Variants in LINGO1 observed in about 807,000 individuals in gnomAD.
LINGO1 encodes leucine rich repeat and Ig domain containing 1.
In LINGO1, 11 loss-of-function variants were observed where a neutral mutation model predicts 37.3. That is an observed-to-expected ratio of 0.29 (90% CI 0.19 to 0.49). LINGO1 has a LOEUF of 0.49. Ranked by LOEUF, LINGO1 falls within the 20% of genes least tolerant of loss-of-function variation. The probability of loss-of-function intolerance (pLI) is 0.99; values close to 1 mark genes in which losing one functional copy is unlikely to be tolerated. For missense variants in LINGO1, 585 were observed against 878.2 expected (o/e 0.67, Z 4.22); for synonymous variants, 387 against 403.0 (o/e 0.96, Z 0.48).
rs564479892 is a variant in LINGO1 at position 77,671,196 on chromosome 15, C to T, written c.-13+5893G>A. Among the ~76,000 whole-genome samples, 27 of 151,754 alleles carry T rather than the reference C, an allele frequency of 1.8e-4. No individual in the cohort carries two copies. The South Asian group carries it at 5.4e-3, about 31-fold the overall frequency. On this transcript the variant is annotated intron_variant, in intron 3 of 3. Coordinates refer to the LINGO1 transcript ENST00000559893. ...AGCCCTACCCAGGACCTGGGCCAGC[C>T]TTGAGCTAGAAGCAAGTCTGATATC...
At chr15:77,802,162 T>G (rs576811681) in intron 1 of LINGO1, among the ~76,000 whole-genome samples, 1 of 152,206 alleles carries the variant, frequency 6.6e-6, no homozygotes, top group Admixed American at 6.5e-5. Context: ...GACTGGGGCA[T>G]GCAGGTATGT....
In LINGO1 at chr15:77,729,622, G is replaced by C. The variant is rs186941077; in HGVS notation, c.-195+5370C>G. ...GCCCTCTGACCCAGGTCTGAGATCT[G>C]ACCTCCACTCTCCACACTCTGAGCT... is the stretch of plus-strand genomic sequence containing the variant. On this transcript the variant is annotated intron_variant, in intron 2 of 3. Transcript: ENST00000561686. Among the ~76,000 whole-genome samples, 504 of 152,202 alleles carry C rather than the reference G, an allele frequency of 3.3e-3. 2 individuals are homozygous for C. Among genetic ancestry groups the C allele is most frequent in the African/African-American group, 0.011 (477 of 41,526 alleles).
At chr15:77,712,753 T>C (rs1229168160) in intron 2 of LINGO1, among the ~76,000 whole-genome samples, 2 of 152,306 alleles carry the variant, frequency 1.3e-5, no homozygotes, top group Non-Finnish European at 1.5e-5. Context: ...CCCAGTCCTC[T>C]GCCCCTGCAC....
At chr15:77,669,941 C>T (rs73457847) in intron 3 of LINGO1, among the ~76,000 whole-genome samples, 2,599 of 152,192 alleles carry the variant, frequency 0.017, 80 homozygotes, top group African/African-American at 0.06. Flanking sequence ...AAGTCAAAAC[C>T]ACCCAAATGT....
intron 1 of LINGO1, among the ~76,000 whole-genome samples, chr15:77,620,317 C>T (rs1175440863): frequency 6.6e-6 from 1 of 152,236 alleles, no homozygotes; most frequent in East Asian, 1.9e-4. Flanking sequence ...GTGCCTGGGG[C>T]ACCACACACA....
rs115831413 is a variant in LINGO1 at position 77,662,994 on chromosome 15, C to T, written c.-13+14095G>A. Among the ~76,000 whole-genome samples the T allele has an allele frequency of 4.3e-3, 649 of 152,350 alleles. 2 individuals carry two copies. The highest frequency in any genetic ancestry group is 0.015 in the African/African-American group (610 of 41,602). On this transcript the variant is annotated intron_variant, in intron 3 of 3. Coordinates refer to the LINGO1 transcript ENST00000559893. ...CCACACTCGAAAGGCAGGACTCCGC[C>T]TCTGGGGGAAGGTGGGGATGCCGGG...
At position 77,760,399 on chromosome 15, in the gene LINGO1, A is replaced by T. The variant is rs780340536; in HGVS notation, c.-256-25346T>A. Among the ~76,000 whole-genome samples, 22 of 152,386 alleles carry T rather than the reference A, an allele frequency of 1.4e-4. 1 individual carries two copies. The highest frequency in any genetic ancestry group is 6.8e-3 in the Middle Eastern group (2 of 294). On this transcript the variant is annotated intron_variant, in intron 1 of 3. Coordinates refer to the LINGO1 transcript ENST00000561686. ...CAGCAACAGGGGTTACGAACTGAGC[A>T]GCAGAATGTTTTGTTTGGCCTGCTC...
intron 2 of LINGO1, among the ~76,000 whole-genome samples, chr15:77,727,856 G>A (rs1047765560): frequency 6.6e-6 from 1 of 152,158 alleles, no homozygotes; most frequent in African/African-American, 2.4e-5. Context: ...CTGGCAGGTG[G>A]CAATGCGGAT....
At chr15:77,816,518 C>T (rs898804533) in intron 1 of LINGO1, among the ~76,000 whole-genome samples, 3 of 152,174 alleles carry the variant, frequency 2.0e-5, no homozygotes, top group East Asian at 1.9e-4. Flanking sequence ...GTTAGAATAT[C>T]TTTACAATTT....
rs1473663898 is a variant in LINGO1, at chr15:77,772,847, C to T, written c.-257+14022G>A. Among the ~76,000 whole-genome samples, 10 of 152,262 alleles carry T rather than the reference C, an allele frequency of 6.6e-5. No homozygotes were observed. In the East Asian group the frequency reaches 1.9e-3, roughly 29 times the overall value. On this transcript the variant is annotated intron_variant, in intron 1 of 3. Transcript: ENST00000561686. ...TCATAATTATCTGTCTGGGAGCAGGCTCAGGGGGCGCGCCTTAGCATGGTT... is the reference window on the plus strand; with the variant it reads ...TCATAATTATCTGTCTGGGAGCAGGTTCAGGGGGCGCGCCTTAGCATGGTT...
chr15:77,691,014 T>C (rs1343513162), intron 1 of LINGO1: 1 of 152,218 alleles, frequency 6.6e-6, no homozygotes, highest in Non-Finnish European at 1.5e-5. Context: ...CAAAGGAAGA[T>C]CCCTGGAAGC....
chr15:77,724,103 C>A (rs973715180), intron 2 of LINGO1, among the ~76,000 whole-genome samples: 1 of 152,086 alleles, frequency 6.6e-6, no homozygotes, highest in African/African-American at 2.4e-5. Context: ...TCCTTGCACC[C>A]GGAGCAGGAG....
At position 77,632,362 on chromosome 15, in the gene LINGO1, C is replaced by G; in HGVS notation, c.-47G>C. On this transcript the variant is annotated 5_prime_UTR_variant, in exon 1 of 2. Transcript: ENST00000355300. This position sits in a 1 kb window ranked among gnomAD's most constrained non-coding sequence, Gnocchi z 6.0. ...CTCGGCTCGGTCACCAATCGCATGT[C>G]TCTCCAGCCGGCCCGACCAGGCCCC... is the stretch of plus-strand genomic sequence containing the variant. 1 of 1,394,650 alleles carries G rather than the reference C, an allele frequency of 7.2e-7. No homozygotes were observed. The highest frequency in any genetic ancestry group is 9.3e-7 in the Non-Finnish European group (1 of 1,070,080). 86.4% of individuals were successfully genotyped at this position (1,394,650 alleles called of 1,614,324 possible).
intron 1 of LINGO1, among the ~76,000 whole-genome samples, chr15:77,693,075 T>TGC (rs1353478644): frequency 1.3e-5 from 2 of 152,188 alleles, no homozygotes; most frequent in African/African-American, 4.8e-5. Context: ...TGTGCACGCG[T>TGC]GCACACACAC....
intron 1 of LINGO1, among the ~76,000 whole-genome samples, chr15:77,802,693 C>T (rs1398652267): frequency 6.6e-6 from 1 of 152,146 alleles, no homozygotes; most frequent in African/African-American, 2.4e-5. Context: ...CAAACTCCTC[C>T]TAATGAGTGG....
At chr15:77,638,158 G>A, upstream of LINGO1, among the ~76,000 whole-genome samples, 1 of 152,196 alleles carries the variant, frequency 6.6e-6, no homozygotes, top group Admixed American at 6.5e-5. Flanking sequence ...TCTGGGCCTG[G>A]CCCCCACTCA....
intron 3 of LINGO1, among the ~76,000 whole-genome samples, chr15:77,659,208 TG>T (rs905587285): frequency 1.3e-5 from 2 of 152,168 alleles, no homozygotes; most frequent in African/African-American, 4.8e-5. Context: ...CCTAATGCTC[TG>T]GGCTGGTCAT....
chr15:77,677,985 C>G (rs1029504944), intron 2 of LINGO1, among the ~76,000 whole-genome samples: 1 of 152,216 alleles, frequency 6.6e-6, no homozygotes, highest in Non-Finnish European at 1.5e-5. Flanking sequence ...CCTCACCTCC[C>G]CTCCAGACCA....
intron 1 of LINGO1, among the ~76,000 whole-genome samples, chr15:77,630,007 G>A (rs951244622): frequency 3.9e-5 from 6 of 152,072 alleles, no homozygotes; most frequent in East Asian, 3.9e-4. Flanking sequence ...GGGGGGATAC[G>A]TGGAGGAACT....
Sources: allele counts gnomAD v4.1 joint callset (sites outside exome capture counted in the v4.1 genomes callset), GRCh38; gene constraint gnomAD v4.1.1; non-coding constraint Gnocchi (gnomAD v3.1); transcripts MANE v1.5; gene names NCBI Gene and HGNC (gene_info 2026-07-23, HGNC 2026-07-21).